MCTP1: variants seen among roughly 807,000 people sequenced by gnomAD.
MCTP1 encodes multiple C2 and transmembrane domain containing 1, also known as multiple C2 and transmembrane domain-containing protein 1.
In MCTP1, 69 loss-of-function variants were observed where a neutral mutation model predicts 120.6. The ratio of observed to expected loss-of-function variants is 0.57; its 90% CI spans 0.47 to 0.70. MCTP1 has a LOEUF of 0.70. Among genes scored for constraint, MCTP1 ranks in the 30% least tolerant of loss-of-function variants. MCTP1 has a pLI of 0.00. For missense variants in MCTP1, 1,203 were observed against 1,248.8 expected (o/e 0.96, Z 0.55); for synonymous variants, 529 against 493.1 (o/e 1.07, Z -0.96).
At chr5:94,855,055 A>G (rs1404835869) in intron 17 of MCTP1, among the ~76,000 whole-genome samples, 1 of 151,786 alleles carries the variant, frequency 6.6e-6, no homozygotes, top group Admixed American at 6.6e-5. Context: ...ATTCTAAACT[A>G]AAACTCTAAA....
chr5:95,139,206 T>C (rs1305571990), intron 1 of MCTP1, among the ~76,000 whole-genome samples: 3 of 152,202 alleles, frequency 2.0e-5, no homozygotes, highest in African/African-American at 7.2e-5. Flanking sequence ...AATTAATGGA[T>C]GCATGCTAAT....
At chr5:94,974,712 T>C (rs1052478979) in intron 2 of MCTP1, among the ~76,000 whole-genome samples, 1 of 151,780 alleles carries the variant, frequency 6.6e-6, no homozygotes, top group African/African-American at 2.4e-5. Context: ...CCAGATCCTA[T>C]AGAATATATG....
intron 2 of MCTP1, among the ~76,000 whole-genome samples, chr5:95,012,520 C>A (rs1836218544): frequency 6.6e-6 from 1 of 152,108 alleles, no homozygotes; most frequent in African/African-American, 2.4e-5. Flanking sequence ...CTACCTTGAT[C>A]AAGTCTATCA....
At chr5:95,167,766 T>C (rs1231173000) in intron 1 of MCTP1, among the ~76,000 whole-genome samples, 2 of 151,292 alleles carry the variant, frequency 1.3e-5, no homozygotes, top group Admixed American at 1.3e-4. Context: ...GTTTGTTTTT[T>C]CTTGAGTTCT....
At position 94,868,959 on chromosome 5, in the gene MCTP1, T is replaced by C. The variant is rs1188002563; in HGVS notation, c.2317-507A>G. On this transcript the variant is annotated intron_variant, in intron 16 of 22. Coordinates refer to ENST00000515393, the MANE Select transcript of MCTP1 (RefSeq NM_024717.7). ...CTCCCATTCTTACTATCATATTATC[T>C]ATCTATCTATCTATCTTCTATCTAT... Among the ~76,000 whole-genome samples the C allele has an allele frequency of 2.0e-5, 3 of 151,728 alleles. No homozygotes were observed. The East Asian group carries it at 5.8e-4, about 29-fold the overall frequency.
At chr5:95,012,076 A>G (rs1192914049) in intron 2 of MCTP1, among the ~76,000 whole-genome samples, 1 of 152,124 alleles carries the variant, frequency 6.6e-6, no homozygotes, top group Non-Finnish European at 1.5e-5. Flanking sequence ...CTTTGTCATT[A>G]TACCTTTGTT....
chr5:95,072,225 A>C (rs1467333848), intron 1 of MCTP1, among the ~76,000 whole-genome samples: 1 of 152,126 alleles, frequency 6.6e-6, no homozygotes, highest in Non-Finnish European at 1.5e-5. Flanking sequence ...CCTGTATTCC[A>C]GTAAAATCAG....
intron 1 of MCTP1, among the ~76,000 whole-genome samples, chr5:95,246,351 C>T (rs764911670): frequency 6.6e-5 from 10 of 151,958 alleles, no homozygotes; most frequent in Non-Finnish European, 5.9e-5. Context: ...TGTAAATGGA[C>T]GAAATGCCCC....
chr5:94,813,292 G>C (rs1227229920), intron 17 of MCTP1, among the ~76,000 whole-genome samples: 2 of 152,274 alleles, frequency 1.3e-5, no homozygotes, highest in Non-Finnish European at 2.9e-5. Context: ...CACTAGAGTG[G>C]CTGTAATCAG....
chr5:95,061,407 G>GGTTGTT lies in MCTP1; in HGVS notation c.721-43924_721-43923insAACAAC, dbSNP rs749862250. Among the ~76,000 whole-genome samples, 83 of 67,882 alleles carry GGTTGTT rather than the reference G, an allele frequency of 1.2e-3. 2 individuals are homozygous for GGTTGTT. Among genetic ancestry groups the GGTTGTT allele is most frequent in the African/African-American group, 2.8e-3 (53 of 19,230 alleles). The allele number at this position is 67,882 out of a possible 152,430, so 44.5% of individuals were successfully genotyped here. ...TATCAATTTTCACAAACCCCTTAAG[G>GGTTGTT]GTTTTTTTTTTTTTTTTTTTTTTTT... On this transcript the variant is annotated intron_variant, in intron 1 of 22. Coordinates refer to ENST00000515393, the MANE Select transcript of MCTP1 (RefSeq NM_024717.7).
chr5:94,825,015 G>A (rs1786642809), intron 17 of MCTP1, among the ~76,000 whole-genome samples: 1 of 152,080 alleles, frequency 6.6e-6, no homozygotes, highest in Non-Finnish European at 1.5e-5. Flanking sequence ...TTGTTTTGAA[G>A]GGTTTTTCAT....
At chr5:95,148,572 T>C (rs1386273500) in intron 1 of MCTP1, among the ~76,000 whole-genome samples, 1 of 152,212 alleles carries the variant, frequency 6.6e-6, no homozygotes, top group Non-Finnish European at 1.5e-5. Flanking sequence ...AAAATGGCTA[T>C]TTCATTTTTC....
intron 2 of MCTP1, among the ~76,000 whole-genome samples, chr5:95,015,584 C>T (rs992262966): frequency 1.3e-5 from 2 of 152,102 alleles, no homozygotes; most frequent in African/African-American, 2.4e-5. Context: ...GAAGACAACA[C>T]ACAAATTCTT....
intron 1 of MCTP1, among the ~76,000 whole-genome samples, chr5:95,200,655 C>T (rs1750903911): frequency 6.6e-6 from 1 of 152,132 alleles, no homozygotes; most frequent in African/African-American, 2.4e-5. Flanking sequence ...AAGTTGAACT[C>T]ATGGATTAGG....
At chr5:95,074,375 A>C (rs73777431) in intron 1 of MCTP1, among the ~76,000 whole-genome samples, 150 of 152,362 alleles carry the variant, frequency 9.8e-4, no homozygotes, top group African/African-American at 3.3e-3. Context: ...GGGGCCACTA[A>C]GAGAGATGGC....
At chr5:95,070,531 C>A (rs1295938258) in intron 1 of MCTP1, among the ~76,000 whole-genome samples, 4 of 152,226 alleles carry the variant, frequency 2.6e-5, no homozygotes, top group African/African-American at 7.2e-5. Flanking sequence ...CCATTAAAAA[C>A]CATTCTGTAT....
chr5:95,284,116 C>G lies in MCTP1; in HGVS notation c.460G>C (p.Asp154His). The change falls in exon 1 of 23, where the codon GAC (aspartate) becomes CAC (histidine). Residue 154 changes from aspartate (D) to histidine (H), a missense_variant. Transcript: ENST00000515393. The surrounding 1 kb of genome is among the most constrained non-coding windows in gnomAD (Gnocchi z 5.2). ...GCGGAGGAAGAGGAAGGAGCTGAGT[C>G]GGGGGAGCGTCCGCCAGGAGGCGTC... ...GGTPPGGRSP[D>H]SAPSSSSASS... 1 of 1,550,576 alleles carries G rather than the reference C, an allele frequency of 6.4e-7. No individual in the cohort carries two copies. The highest frequency in any genetic ancestry group is 1.4e-5 in the African/African-American group (1 of 72,788).
intron 19 of MCTP1, among the ~76,000 whole-genome samples, chr5:94,777,113 C>T (rs955128585): frequency 2.0e-5 from 3 of 152,162 alleles, no homozygotes; most frequent in African/African-American, 4.8e-5. Context: ...TGAAAATCAG[C>T]TCACAGTCCT....
chr5:95,176,058 C>T (rs1206988599), intron 1 of MCTP1, among the ~76,000 whole-genome samples: 1 of 152,190 alleles, frequency 6.6e-6, no homozygotes, highest in Non-Finnish European at 1.5e-5. Context: ...CTATAAAATA[C>T]TGGTGATTCC....
Sources: gnomAD v4.1 joint callset for allele counts (sites outside exome capture counted in the v4.1 genomes callset) on GRCh38, gnomAD v4.1.1 for gene constraint, Gnocchi (gnomAD v3.1) non-coding constraint, MANE v1.5 for transcripts, NCBI Gene and HGNC (gene_info 2026-07-23, HGNC 2026-07-21) for gene names.